The following TOR1AIP1 variants were observed in gnomAD, a reference collection of about 807,000 sequenced individuals.
TOR1AIP1 encodes torsin 1A interacting protein 1, also known as torsin-1A-interacting protein 1.
A neutral mutation model predicts 63.3 loss-of-function variants in TOR1AIP1; 54 were observed. That is an observed-to-expected ratio of 0.85 (90% CI 0.69 to 1.07). The LOEUF (loss-of-function observed/expected upper bound fraction) is 1.07. Among genes scored for constraint, TOR1AIP1 ranks in the 50% least tolerant of loss-of-function variants. The pLI is 0.00. For synonymous variants in TOR1AIP1, 294 were observed against 273.5 expected (o/e 1.07, Z -0.74); for missense variants, 736 against 715.0 (o/e 1.03, Z -0.33).
chr1:179,882,631 T>A lies in TOR1AIP1; in HGVS notation c.129T>A (p.Pro43=). 1 of 1,542,010 alleles carries A rather than the reference T, an allele frequency of 6.5e-7. No homozygotes were observed. Among genetic ancestry groups the A allele is most frequent in the Non-Finnish European group, 8.7e-7 (1 of 1,147,132 alleles). ...APQNGGSSDA[P]AYRTPPSRQG... ...AAAATGGCGGCAGCAGCGATGCGCC[T>A]GCGTACAGAACTCCTCCGTCGCGCC... Residue 43 remains proline, a synonymous_variant, in exon 1 of 10, where the codon CCT becomes CCA. Coordinates refer to ENST00000606911, the MANE Select transcript of TOR1AIP1 (RefSeq NM_015602.4).
At position 179,908,625 on chromosome 1, in the gene TOR1AIP1, C is replaced by A. The variant is rs760072486; in HGVS notation, c.859C>A (p.Pro287Thr). 2.5e-6 allele frequency: 4 copies of A among 1,613,360 alleles called. No homozygotes were observed. Among genetic ancestry groups the A allele is most frequent in the Non-Finnish European group, 3.4e-6 (4 of 1,179,556 alleles). Residue 287 changes from proline to threonine, a missense_variant, in exon 8 of 10, where the codon CCC (proline) becomes ACC (threonine). By Grantham distance (38) the Pro-to-Thr change is conservative. Transcript: ENST00000606911. Reference protein sequence around the residue: ...SVLSSGYQKTPQEWAPQTARI... With the variant: ...SVLSSGYQKTTQEWAPQTARI... Reference sequence around the variant, plus strand: ...TTCAGGCTCAGGATATCAAAAAACTCCCCAGGAATGGGCCCCACAAACTGC... The same window carrying A: ...TTCAGGCTCAGGATATCAAAAAACTACCCAGGAATGGGCCCCACAAACTGC...
At chr1:179,897,679 CAT>C (rs771488025) in intron 3 of TOR1AIP1, among the ~76,000 whole-genome samples, 2 of 152,102 alleles carry the variant, frequency 1.3e-5, no homozygotes, top group Non-Finnish European at 2.9e-5. Flanking sequence ...CTATGTAAAA[CAT>C]AACACTGAAA....
intron 8 of TOR1AIP1, among the ~76,000 whole-genome samples, chr1:179,909,547 A>G (rs991297382): frequency 6.6e-6 from 1 of 152,040 alleles, no homozygotes; most frequent in Non-Finnish European, 1.5e-5. Context: ...AGTAGCCAGG[A>G]CTACAGGCGC....
chr1:179,909,371 T>C (rs112354659), intron 8 of TOR1AIP1, among the ~76,000 whole-genome samples: 2 of 142,724 alleles, frequency 1.4e-5, no homozygotes, highest in Non-Finnish European at 3.0e-5. Flanking sequence ...ATGTTTAGGG[T>C]TTTTTTTCTG....
intron 6 of TOR1AIP1, among the ~76,000 whole-genome samples, chr1:179,906,063 T>C (rs1454591312): frequency 1.3e-5 from 2 of 152,252 alleles, no homozygotes; most frequent in African/African-American, 2.4e-5. Context: ...TGATTTTATG[T>C]ATCAATGAGA....
At position 179,884,738 on chromosome 1, in the gene TOR1AIP1, GAA is replaced by G; in HGVS notation, c.525_526del (p.Lys175AsnfsTer12). On this transcript the variant is annotated frameshift_variant, in exon 2 of 10. Coordinates refer to ENST00000606911, the MANE Select transcript of TOR1AIP1 (RefSeq NM_015602.4). LOFTEE classifies it high-confidence loss of function. Reference sequence around the variant, plus strand: ...CTGATTTAAGCCAAACGATCTCAAAGAAAACTGTCAGGAGCATACAAGAGGCT... The same window carrying G: ...CTGATTTAAGCCAAACGATCTCAAAGAACTGTCAGGAGCATACAAGAGGCT... ...QTDLSQTISKKTVRSIQEAPV... is the reference protein window; with the variant it reads ...QTDLSQTISKXTVRSIQEAPV... The G allele has an allele frequency of 6.2e-7, 1 of 1,612,276 alleles. No homozygotes were observed. The highest frequency in any genetic ancestry group is 8.5e-7 in the Non-Finnish European group (1 of 1,179,366).
chr1:179,918,264 G>T lies in TOR1AIP1; in HGVS notation c.*25G>T. On this transcript the variant is annotated 3_prime_UTR_variant, in exon 10 of 10. Transcript: ENST00000606911. The stretch of plus-strand genomic sequence containing the variant: ...AGAAGTGAGAGAGAAGAAAAATCAT[G>T]TCCCAAGTTCTGAGAATTGTTCACA... 1 of 1,553,184 alleles carries T rather than the reference G, an allele frequency of 6.4e-7. No individual in the cohort carries two copies. Among genetic ancestry groups the T allele is most frequent in the South Asian group, 1.2e-5 (1 of 83,330 alleles).
At chr1:179,916,150 A>AATGC (rs1203723139) in intron 9 of TOR1AIP1, among the ~76,000 whole-genome samples, 1 of 152,216 alleles carries the variant, frequency 6.6e-6, no homozygotes, top group Non-Finnish European at 1.5e-5. Context: ...TTAAATCTTG[A>AATGC]ATGCATGGCA....
rs1649136283 is a variant in TOR1AIP1, at chr1:179,919,711, C to G, written c.*1472C>G. On this transcript the variant is annotated 3_prime_UTR_variant, in exon 10 of 10. Transcript: ENST00000606911. ...TGTAAATATTGTTTTTAGAGTCAGT[C>G]ATTGGCTTTGTCATTTACCCTTTGA... 6.6e-6 allele frequency: 1 copy of G among 152,126 alleles called. No individual in the cohort carries two copies. Among genetic ancestry groups the G allele is most frequent in the Non-Finnish European group, 1.5e-5 (1 of 68,016 alleles). The allele number at this position is 152,126 out of a possible 1,614,324, so 9.4% of individuals were successfully genotyped here.
intron 1 of TOR1AIP1, among the ~76,000 whole-genome samples, chr1:179,883,312 G>A (rs577031190): frequency 2.6e-5 from 4 of 152,158 alleles, no homozygotes; most frequent in African/African-American, 9.7e-5. Context: ...CTGCAGGGTC[G>A]GTTTCATTTC....
intron 3 of TOR1AIP1, among the ~76,000 whole-genome samples, chr1:179,892,549 A>G (rs1364172154): frequency 6.6e-6 from 1 of 151,926 alleles, no homozygotes; most frequent in East Asian, 1.9e-4. Context: ...CATCCTGGCT[A>G]ACATGGTGAA....
intron 3 of TOR1AIP1, 99 bp downstream of exon 3, chr1:179,889,468 T>C (rs1394483782): frequency 9.9e-7 from 1 of 1,010,508 alleles, no homozygotes; most frequent in African/African-American, 1.6e-5. Context: ...AACTTAAAAG[T>C]TACTGTAAAT....
At chr1:179,899,440 G>T (rs1648380867) in intron 3 of TOR1AIP1, among the ~76,000 whole-genome samples, 1 of 152,128 alleles carries the variant, frequency 6.6e-6, no homozygotes, top group African/African-American at 2.4e-5. Flanking sequence ...ATACACCAAT[G>T]CTCGAAAGAA....
At chr1:179,890,888 G>A (rs1303738688) in intron 3 of TOR1AIP1, among the ~76,000 whole-genome samples, 2 of 152,130 alleles carry the variant, frequency 1.3e-5, no homozygotes, top group African/African-American at 2.4e-5. Flanking sequence ...CCAAAGTGCT[G>A]GGATTATTGG....
chr1:179,907,598 T>TATATATATAC (rs1225139445), intron 6 of TOR1AIP1, among the ~76,000 whole-genome samples: 14 of 15,496 alleles, frequency 9.0e-4, no homozygotes, highest in African/African-American at 2.0e-3. Flanking sequence ...ACACTTTATA[T>TATATATATAC]ATATATATAT....
chr1:179,901,456 T>C, intron 5 of TOR1AIP1, 68 bp downstream of exon 5: 1 of 1,040,438 alleles, frequency 9.6e-7, no homozygotes, highest in Middle Eastern at 2.2e-4. Flanking sequence ...GAATTTGCTT[T>C]TTAAAAAAAA....
chr1:179,905,652 T>C (rs947513388), intron 6 of TOR1AIP1, among the ~76,000 whole-genome samples: 3 of 152,130 alleles, frequency 2.0e-5, no homozygotes, highest in African/African-American at 7.2e-5. Context: ...ATTATACCCA[T>C]GCAGTGAGAT....
rs1397979237 is a variant in TOR1AIP1, at chr1:179,884,779, G to C, written c.553+10G>C. The C allele has an allele frequency of 1.3e-6, 2 of 1,592,952 alleles. No individual in the cohort carries two copies. The highest frequency in any genetic ancestry group is 2.7e-5 in the African/African-American group (2 of 73,600). On this transcript the variant is annotated intron_variant, in intron 2 of 9. Transcript: ENST00000606911. ...ATACAAGAGGCTCCAGGTAAGAATA[G>C]TTAACTTTTTGTTTTTCTCCTTACC...
intron 7 of TOR1AIP1, 40 bp from the exon 8 acceptor site, chr1:179,908,565 A>G: frequency 5.2e-6 from 8 of 1,544,564 alleles, no homozygotes; most frequent in Non-Finnish European, 6.2e-6. Flanking sequence ...AAACTTTCAA[A>G]GTATGGGAAA....
Sources: gnomAD v4.1 joint callset for allele counts (sites outside exome capture counted in the v4.1 genomes callset) on GRCh38, gnomAD v4.1.1 for gene constraint, MANE v1.5 for transcripts, NCBI Gene and HGNC (gene_info 2026-07-23, HGNC 2026-07-21) for gene names.